Variants in LUZP2 observed in about 807,000 individuals in gnomAD.
LUZP2 encodes leucine zipper protein 2.
In LUZP2, 52 loss-of-function variants were observed where a neutral mutation model predicts 51.6. The ratio of observed to expected loss-of-function variants is 1.01; its 90% CI spans 0.81 to 1.27. LUZP2 has a LOEUF of 1.27. Ranked by LOEUF, LUZP2 falls within the 50% of genes most tolerant of loss-of-function variation. LUZP2 has a pLI of 0.00. For synonymous variants in LUZP2, 154 were observed against 137.3 expected (o/e 1.12, Z -0.85); for missense variants, 436 against 395.4 (o/e 1.10, Z -0.87).
chr11:24,761,871 C>T lies in LUZP2; in HGVS notation c.334-1375C>T, dbSNP rs1161881743. On this transcript the variant is annotated intron_variant, in intron 4 of 11. Coordinates refer to ENST00000336930, the MANE Select transcript of LUZP2 (RefSeq NM_001009909.4). The stretch of plus-strand genomic sequence containing the variant: ...AGTATTTATTTTTCATAAGCGCATA[C>T]ACAATAAATAAAATGTATAAAAATA... 2.0e-5 allele frequency among the ~76,000 whole-genome samples: 3 copies of T among 148,036 alleles called. No homozygotes were observed. In the East Asian group the frequency reaches 6.0e-4, roughly 29 times the overall value.
chr11:24,937,641 C>G (rs1358230113), intron 7 of LUZP2, among the ~76,000 whole-genome samples: 1 of 152,102 alleles, frequency 6.6e-6, no homozygotes, highest in Non-Finnish European at 1.5e-5. Context: ...GTGGCTCACG[C>G]CTGTAATCCC....
intron 1 of LUZP2, among the ~76,000 whole-genome samples, chr11:24,635,761 T>C (rs748638031): frequency 6.6e-6 from 1 of 152,104 alleles, no homozygotes; most frequent in Non-Finnish European, 1.5e-5. Flanking sequence ...CGCAGAGTGC[T>C]GGGGAGAACA....
intron 7 of LUZP2, among the ~76,000 whole-genome samples, chr11:24,964,728 G>T (rs1329451851): frequency 6.6e-6 from 1 of 151,858 alleles, no homozygotes; most frequent in African/African-American, 2.4e-5. Context: ...ATAGAATTTT[G>T]TCCTTATGAA....
chr11:24,838,479 T>A (rs1396661644), intron 5 of LUZP2, among the ~76,000 whole-genome samples: 1 of 151,656 alleles, frequency 6.6e-6, no homozygotes. Context: ...TACATTGCAC[T>A]TTTCTCTCTG....
chr11:24,794,153 G>T (rs773671291), intron 5 of LUZP2, among the ~76,000 whole-genome samples: 1 of 152,030 alleles, frequency 6.6e-6, no homozygotes, highest in Non-Finnish European at 1.5e-5. Flanking sequence ...AGCCTTGTCA[G>T]ATCTCCTTAT....
intron 1 of LUZP2, among the ~76,000 whole-genome samples, chr11:24,597,194 G>T (rs1350849504): frequency 6.6e-6 from 1 of 152,136 alleles, no homozygotes; most frequent in Non-Finnish European, 1.5e-5. Flanking sequence ...ATAAGCATGT[G>T]TATAGATATA....
At chr11:24,865,642 G>T (rs1410693812) in intron 5 of LUZP2, among the ~76,000 whole-genome samples, 1 of 151,810 alleles carries the variant, frequency 6.6e-6, no homozygotes, top group Non-Finnish European at 1.5e-5. Context: ...TTATTTGACA[G>T]CATTCCCCTT....
chr11:25,044,265 A>G (rs931953917), intron 9 of LUZP2, among the ~76,000 whole-genome samples: 1,394 of 39,120 alleles, frequency 0.036, 26 homozygotes, highest in African/African-American at 0.098. Context: ...GTGTATATAT[A>G]TATATATATA....
At chr11:24,828,118 T>C (rs1251077085) in intron 5 of LUZP2, among the ~76,000 whole-genome samples, 1 of 151,732 alleles carries the variant, frequency 6.6e-6, no homozygotes, top group African/African-American at 2.4e-5. Flanking sequence ...GAAAAAACAA[T>C]GAAAGATAGG....
At chr11:24,746,783 G>A (rs1459193068) in intron 4 of LUZP2, among the ~76,000 whole-genome samples, 2 of 152,136 alleles carry the variant, frequency 1.3e-5, no homozygotes, top group African/African-American at 4.8e-5. Context: ...GTTGGATTGA[G>A]TTAATTGGAA....
intron 5 of LUZP2, chr11:24,786,659 A>AATATATAAATATATATATTATGTATTT (rs1564890611): frequency 1.1e-3 from 18 of 16,322 alleles, no homozygotes; most frequent in African/African-American, 4.5e-3. Flanking sequence ...ATAGGTATAT[A>AATATATAAATATATATATTATGTATTT]ATATATAAAT....
At chr11:24,960,018 T>C (rs1855344597) in intron 7 of LUZP2, among the ~76,000 whole-genome samples, 1 of 152,234 alleles carries the variant, frequency 6.6e-6, no homozygotes, top group African/African-American at 2.4e-5. Context: ...CATGTGGTTT[T>C]TGTCTTTGGT....
chr11:24,602,257 A>ATATGTGT (rs1565021058), intron 1 of LUZP2, among the ~76,000 whole-genome samples: 1 of 75,836 alleles, frequency 1.3e-5, no homozygotes, highest in Non-Finnish European at 2.6e-5. Flanking sequence ...TATATATGCA[A>ATATGTGT]ACATATATGT....
At chr11:25,045,069 G>T (rs1590871421) in intron 9 of LUZP2, among the ~76,000 whole-genome samples, 1 of 7,232 alleles carries the variant, frequency 1.4e-4, no homozygotes. Context: ...TGCGGTGGGG[G>T]GAGGGGAGGG....
At chr11:25,027,528 C>G (rs1245522722) in intron 9 of LUZP2, among the ~76,000 whole-genome samples, 1 of 152,036 alleles carries the variant, frequency 6.6e-6, no homozygotes, top group Non-Finnish European at 1.5e-5. Context: ...GCTGAAGTTA[C>G]CAGTACGAAC....
intron 1 of LUZP2, among the ~76,000 whole-genome samples, chr11:24,652,278 C>T (rs1282674033): frequency 6.6e-6 from 1 of 152,106 alleles, no homozygotes; most frequent in Non-Finnish European, 1.5e-5. Context: ...TCCTTTAAAA[C>T]ATCTCATTAT....
At chr11:24,555,223 T>G (rs1851831774) in intron 1 of LUZP2, among the ~76,000 whole-genome samples, 1 of 152,108 alleles carries the variant, frequency 6.6e-6, no homozygotes, top group Admixed American at 6.6e-5. Flanking sequence ...GCCATAAGTA[T>G]TAGAAGATAG....
rs569667586 is a variant in LUZP2, at chr11:25,013,404, C to T, written c.765+30111C>T. On this transcript the variant is annotated intron_variant, in intron 9 of 11. Coordinates refer to ENST00000336930, the MANE Select transcript of LUZP2 (RefSeq NM_001009909.4). The stretch of plus-strand genomic sequence containing the variant: ...ATCACTATATATTATTTAAATTTCA[C>T]ATGTACCTTTATAAATTTTTACATA... 2.6e-3 allele frequency among the ~76,000 whole-genome samples: 398 copies of T among 152,268 alleles called. 1 individual carries two copies. The highest frequency in any genetic ancestry group is 4.1e-3 in the Non-Finnish European group (279 of 68,022).
intron 1 of LUZP2, among the ~76,000 whole-genome samples, chr11:24,641,194 C>T (rs944127846): frequency 6.6e-6 from 1 of 151,588 alleles, no homozygotes; most frequent in Non-Finnish European, 1.5e-5. Context: ...AGATTACAGA[C>T]ATGAGCCATC....
Sources: gnomAD v4.1 joint callset for allele counts (sites outside exome capture counted in the v4.1 genomes callset) on GRCh38, gnomAD v4.1.1 for gene constraint, MANE v1.5 for transcripts, NCBI Gene and HGNC (gene_info 2026-07-23, HGNC 2026-07-21) for gene names.